MYO1H: variants seen among roughly 807,000 people sequenced by gnomAD.
The protein encoded by MYO1H is unconventional myosin-Ih.
Under a neutral mutation model 149.3 loss-of-function variants are expected in MYO1H, and 118 were observed. That is an observed-to-expected ratio of 0.79 (90% CI 0.68 to 0.92). MYO1H has a LOEUF of 0.92. MYO1H is among the 40% of genes least tolerant of loss of function. The pLI, the probability that MYO1H is intolerant of heterozygous loss-of-function variation, is 0.00. For synonymous variants in MYO1H, 447 were observed against 465.2 expected (o/e 0.96, Z 0.50); for missense variants, 1,212 against 1,280.7 (o/e 0.95, Z 0.82).
chr12:109,409,856 A>G (rs1870588595), intron 11 of MYO1H, 107 bp from the exon 12 acceptor site: 1 of 694,244 alleles, frequency 1.4e-6, no homozygotes, highest in Non-Finnish European at 2.4e-6. Context: ...ATTAATGAGG[A>G]CTTTGCTTTT....
the MYO1H span, among the ~76,000 whole-genome samples, chr12:109,341,057 G>A: frequency 5.9e-5 from 9 of 151,722 alleles, no homozygotes; most frequent in East Asian, 1.9e-4. Context: ...ATGTGGTGGC[G>A]GGCACCTGTA....
chr12:109,401,184 T>C, exon 6 of MYO1H: 1 of 1,613,892 alleles, frequency 6.2e-7, no homozygotes, highest in Non-Finnish European at 8.5e-7. Flanking sequence ...TTCCACATCT[T>C]CTACCAGCTG....
Position 109,414,392 on chromosome 12 carries a change from G to A in MYO1H, c.1503-1134G>A, listed in dbSNP as rs150259199. On this transcript the variant is annotated intron_variant, in intron 14 of 31. Transcript: ENST00000310903. ...CTCAGGAGGCTGAGGCAGGAGAATC[G>A]TCTGAACTCAGGAGGTGGAGGTTGC... Among the ~76,000 whole-genome samples, 417 of 148,648 alleles carry A rather than the reference G, an allele frequency of 2.8e-3. 7 individuals carry two copies. In the East Asian group the frequency reaches 0.047, roughly 17 times the overall value.
intron 14 of MYO1H, among the ~76,000 whole-genome samples, chr12:109,412,315 G>T (rs1344932071): frequency 6.6e-6 from 1 of 152,028 alleles, no homozygotes; most frequent in Non-Finnish European, 1.5e-5. Flanking sequence ...ACACCACAAT[G>T]CCTGGCTAAT....
At chr12:109,395,604 CT>C (rs142066347) in intron 3 of MYO1H, among the ~76,000 whole-genome samples, 37,219 of 151,698 alleles carry the variant, frequency 0.25, 5,475 homozygotes, top group East Asian at 0.39. Flanking sequence ...CGTGGTAGTG[CT>C]GCACTTATAA....
At chr12:109,396,645 C>T (rs1276912925) in intron 4 of MYO1H, 63 bp downstream of exon 4, 5 of 1,455,356 alleles carry the variant, frequency 3.4e-6, no homozygotes, top group East Asian at 2.3e-5. Context: ...GAGACAAATC[C>T]TGTCTGGGCA....
the MYO1H span, among the ~76,000 whole-genome samples, chr12:109,320,174 C>T: frequency 1.3e-5 from 2 of 151,946 alleles, no homozygotes; most frequent in East Asian, 3.9e-4. Context: ...AATAGCTGGG[C>T]ATGGTGGGAG....
chr12:109,381,546 T>C (rs1384149493), intron 1 of MYO1H, among the ~76,000 whole-genome samples: 7 of 152,234 alleles, frequency 4.6e-5, no homozygotes, highest in Admixed American at 4.6e-4. Context: ...GGCTCATACC[T>C]GTAGTCCCAG....
intron 26 of MYO1H, 33 bp from the exon 27 acceptor site, chr12:109,442,184 T>A (rs1399352951): frequency 4.4e-6 from 7 of 1,597,640 alleles, no homozygotes; most frequent in Non-Finnish European, 2.6e-6. Flanking sequence ...GGTACTTTAG[T>A]GATGATTCAT....
intron 18 of MYO1H, among the ~76,000 whole-genome samples, chr12:109,426,345 A>C (rs1425428076): frequency 6.6e-6 from 1 of 152,064 alleles, no homozygotes; most frequent in African/African-American, 2.4e-5. Context: ...TTAGCCAGGC[A>C]TGGTGGCGTG....
At chr12:109,367,950 C>T (rs1868901048) in intron 1 of MYO1H, among the ~76,000 whole-genome samples, 1 of 152,096 alleles carries the variant, frequency 6.6e-6, no homozygotes, top group African/African-American at 2.4e-5. Flanking sequence ...AACTTCTGGG[C>T]TCATATGATG....
chr12:109,447,035 G>C (rs1358113002), intron 31 of MYO1H, 124 bp from the exon 32 acceptor site: 1 of 915,598 alleles, frequency 1.1e-6, no homozygotes, highest in Non-Finnish European at 1.8e-6. Context: ...ATGGGAGGTG[G>C]CACTGGCTTC....
exon 10 of MYO1H, chr12:109,407,797 A>G (rs2137059358): frequency 2.5e-6 from 4 of 1,613,602 alleles, no homozygotes; most frequent in Non-Finnish European, 3.4e-6. Flanking sequence ...TTTTCAGGTG[A>G]TCTGCCCGTT....
chr12:109,327,323 T>TTTTTAGTA, the MYO1H span, among the ~76,000 whole-genome samples: 3 of 151,096 alleles, frequency 2.0e-5, no homozygotes, highest in Admixed American at 2.0e-4. Context: ...TTAGTAGAGA[T>TTTTTAGTA]GGGGTTTTAC....
chr12:109,434,613 G>A lies in MYO1H; in HGVS notation c.2064-424G>A, dbSNP rs926917133. ...TGGTTTATTCATTTCCTAGGACTGCGTAACAGATGATCACAAAGTGGCTGA... is the reference window on the plus strand; with the variant it reads ...TGGTTTATTCATTTCCTAGGACTGCATAACAGATGATCACAAAGTGGCTGA... On this transcript the variant is annotated intron_variant, in intron 20 of 31. Transcript: ENST00000310903. Among the ~76,000 whole-genome samples, 13 of 152,336 alleles carry A rather than the reference G, an allele frequency of 8.5e-5. No individual in the cohort carries two copies. The East Asian group carries it at 1.2e-3, about 14-fold the overall frequency.
At chr12:109,427,521 G>A in exon 19 of MYO1H, 2 of 1,613,116 alleles carry the variant, frequency 1.2e-6, no homozygotes, top group Non-Finnish European at 1.7e-6. Context: ...TGGGGCTGAT[G>A]GAGCACCTGC....
chr12:109,443,519 T>C, exon 28 of MYO1H: 1 of 1,613,678 alleles, frequency 6.2e-7, no homozygotes, highest in Non-Finnish European at 8.5e-7. Flanking sequence ...TGCAGTATGG[T>C]GTCCCGGTCA....
intron 29 of MYO1H, 66 bp from the exon 30 acceptor site, chr12:109,444,366 T>C: frequency 1.3e-6 from 2 of 1,567,244 alleles, no homozygotes; most frequent in Non-Finnish European, 8.8e-7. Context: ...GAAACTTCTC[T>C]ATTGGAGTGT....
intron 1 of MYO1H, among the ~76,000 whole-genome samples, chr12:109,379,178 T>C (rs1468130048): frequency 6.6e-6 from 1 of 152,218 alleles, no homozygotes; most frequent in Non-Finnish European, 1.5e-5. Flanking sequence ...GCTGCTGTAC[T>C]GAACAGTGAA....
Sources: allele counts gnomAD v4.1 joint callset (sites outside exome capture counted in the v4.1 genomes callset), GRCh38; gene constraint gnomAD v4.1.1; transcripts MANE v1.5; gene names NCBI Gene and HGNC (gene_info 2026-07-23, HGNC 2026-07-21).